ADA2: variants seen among roughly 807,000 people sequenced by gnomAD.
The protein encoded by ADA2 is adenosine deaminase CECR1.
ADA2 carries 29 observed loss-of-function variants against 44.2 expected under a neutral mutation model. The observed-to-expected ratio is 0.66, with a 90% CI of 0.49 to 0.89. The LOEUF (loss-of-function observed/expected upper bound fraction) is 0.89. Ranked by LOEUF, ADA2 falls within the 40% of genes least tolerant of loss-of-function variation. ADA2 has a pLI of 0.00. For missense variants in ADA2, 637 were observed against 644.8 expected, an observed-to-expected ratio of 0.99 and a Z score of 0.13; for synonymous variants, 215 against 234.9, an observed-to-expected ratio of 0.92 and a Z score of 0.77.
At chr22:17,183,433 C>T (rs1336268711) in intron 7 of ADA2, among the ~76,000 whole-genome samples, 1 of 148,258 alleles carries the variant, frequency 6.7e-6, no homozygotes, top group African/African-American at 2.5e-5. Context: ...AGTCCGCTTT[C>T]CTTCTTCCTC....
intron 9 of ADA2, 25 bp from the exon 10 acceptor site, chr22:17,181,601 T>G: frequency 6.5e-7 from 1 of 1,530,300 alleles, no homozygotes; most frequent in Non-Finnish European, 9.1e-7. Context: ...GGAGCCCAGG[T>G]CAGCCTCAGG....
Position 17,202,239 on chromosome 22 carries a change from C to T in ADA2, c.753+1324G>A, listed in dbSNP as rs182939678. Among the ~76,000 whole-genome samples, 914 of 152,206 alleles carry T rather than the reference C, an allele frequency of 6.0e-3. 6 individuals carry two copies. The highest frequency in any genetic ancestry group is 0.02 in the African/African-American group (820 of 41,530). Reference sequence around the variant, plus strand: ...CCACCTCCCAGGTTCAAGCAATTCTCCTGCCTCAGCCTCCCAAGTAGCTAG... The same window carrying T: ...CCACCTCCCAGGTTCAAGCAATTCTTCTGCCTCAGCCTCCCAAGTAGCTAG... On this transcript the variant is annotated intron_variant, in intron 4 of 9. Coordinates refer to ENST00000399837, the MANE Select transcript of ADA2 (RefSeq NM_001282225.2).
chr22:17,219,245 C>A (rs2062501997), intron 1 of ADA2, 111 bp downstream of exon 1: 1 of 152,282 alleles, frequency 6.6e-6, no homozygotes, highest in Non-Finnish European at 1.5e-5. Flanking sequence ...AGTCTCAGAC[C>A]CAGCTCAGAT....
chr22:17,182,119 T>C, intron 8 of ADA2, 97 bp from the exon 9 acceptor site: 1 of 918,532 alleles, frequency 1.1e-6, no homozygotes, highest in Admixed American at 2.3e-5. Context: ...GCTCCCTTCA[T>C]CTTCCCATCA....
Position 17,178,913 on chromosome 22 carries a change from T to C in ADA2, c.*2570A>G, listed in dbSNP as rs542075354. On this transcript the variant is annotated 3_prime_UTR_variant, in exon 10 of 10. Coordinates refer to ENST00000399837, the MANE Select transcript of ADA2 (RefSeq NM_001282225.2). Reference sequence around the variant, plus strand: ...TTGGGACCTAAAAGATCTTCAGGGATTGGGTAAGGCACTGAATCACCTGCA... The same window carrying C: ...TTGGGACCTAAAAGATCTTCAGGGACTGGGTAAGGCACTGAATCACCTGCA... The C allele has an allele frequency of 2.6e-5, 4 of 152,144 alleles. No homozygotes were observed. Among genetic ancestry groups the C allele is most frequent in the African/African-American group, 9.6e-5 (4 of 41,500 alleles). 9.4% of individuals were successfully genotyped at this position (152,144 alleles called of 1,614,324 possible).
chr22:17,195,240 C>T (rs1055555373), intron 4 of ADA2, among the ~76,000 whole-genome samples: 2 of 152,148 alleles, frequency 1.3e-5, no homozygotes, highest in South Asian at 2.1e-4. Flanking sequence ...ATTCTTAGGC[C>T]GGGTGTGATG....
chr22:17,201,562 CT>C (rs2062287958), intron 4 of ADA2, among the ~76,000 whole-genome samples: 2 of 152,168 alleles, frequency 1.3e-5, no homozygotes, highest in South Asian at 4.1e-4. Context: ...CCAAAGGTCA[CT>C]TTCCCCAAGC....
chr22:17,197,173 A>G (rs2062202439), intron 4 of ADA2, among the ~76,000 whole-genome samples: 1 of 152,166 alleles, frequency 6.6e-6, no homozygotes, highest in East Asian at 1.9e-4. Context: ...TCATGGGGAA[A>G]TTTGGGAGCA....
At chr22:17,201,363 C>T (rs940961129) in intron 4 of ADA2, among the ~76,000 whole-genome samples, 2 of 152,184 alleles carry the variant, frequency 1.3e-5, no homozygotes, top group African/African-American at 4.8e-5. Context: ...AGTCCTATCA[C>T]TTCTGGGTCT....
chr22:17,179,085 G>A lies in ADA2; in HGVS notation c.*2398C>T, dbSNP rs996744068. ...GTCTGAGAGCTCAGGTACAGGTCAT[G>A]GAAGATGGATGAGAGGACATTCGCC... On this transcript the variant is annotated 3_prime_UTR_variant, in exon 10 of 10. Coordinates refer to ENST00000399837, the MANE Select transcript of ADA2 (RefSeq NM_001282225.2). 3 of 152,234 alleles carry A rather than the reference G, an allele frequency of 2.0e-5. No homozygotes were observed. Among genetic ancestry groups the A allele is most frequent in the Non-Finnish European group, 2.9e-5 (2 of 68,064 alleles). 9.4% of individuals were successfully genotyped at this position (152,234 alleles called of 1,614,324 possible).
At chr22:17,206,516 C>T (rs1024679052) in intron 3 of ADA2, among the ~76,000 whole-genome samples, 12 of 152,074 alleles carry the variant, frequency 7.9e-5, no homozygotes, top group African/African-American at 2.9e-4. Context: ...TAATAACAAA[C>T]AAAAATAGTG....
chr22:17,184,980 CAA>C (rs1491485805), intron 7 of ADA2, among the ~76,000 whole-genome samples: 12 of 35,686 alleles, frequency 3.4e-4, no homozygotes, highest in African/African-American at 1.5e-3. Flanking sequence ...GTGCCCATGT[CAA>C]AATATATATA....
rs571824783 is a variant in ADA2, at chr22:17,208,793, ACT to A, written c.322+561_322+562del. On this transcript the variant is annotated intron_variant, in intron 2 of 9. Transcript: ENST00000399837. ...ACTTCAGCCTGGGCAACAGAGTGAG[ACT>A]CTGTCTCAAAAAAAATTTTTTTTAA... is the stretch of plus-strand genomic sequence containing the variant. Among the ~76,000 whole-genome samples, 41 of 151,608 alleles carry A rather than the reference ACT, an allele frequency of 2.7e-4. 1 individual carries two copies. Among genetic ancestry groups the A allele is most frequent in the African/African-American group, 9.4e-4 (39 of 41,326 alleles).
chr22:17,188,330 C>T lies in ADA2; in HGVS notation c.1081+9G>A. 4 of 1,607,026 alleles carry T rather than the reference C, an allele frequency of 2.5e-6. No individual in the cohort carries two copies. Among genetic ancestry groups the T allele is most frequent in the Non-Finnish European group, 3.4e-6 (4 of 1,173,714 alleles). On this transcript the variant is annotated intron_variant, in intron 7 of 9. Transcript: ENST00000399837. Reference sequence around the variant, plus strand: ...CTCCGCTGCCTCTGCTCGCATCCCGCAGGCTCACCTGTTTCTCCGGCGTGG... The same window carrying T: ...CTCCGCTGCCTCTGCTCGCATCCCGTAGGCTCACCTGTTTCTCCGGCGTGG...
chr22:17,215,813 G>A (rs1176093623), intron 1 of ADA2, among the ~76,000 whole-genome samples: 3 of 151,974 alleles, frequency 2.0e-5, no homozygotes, highest in African/African-American at 7.3e-5. Context: ...GTAGACATGG[G>A]GGATGAAGAG....
At chr22:17,214,785 C>T (rs960811548) in intron 1 of ADA2, among the ~76,000 whole-genome samples, 5 of 152,312 alleles carry the variant, frequency 3.3e-5, no homozygotes, top group African/African-American at 1.2e-4. Context: ...GAGCCCATTC[C>T]CCAAAACCCT....
chr22:17,195,974 C>T (rs2062185636), intron 4 of ADA2, among the ~76,000 whole-genome samples: 1 of 151,892 alleles, frequency 6.6e-6, no homozygotes, highest in East Asian at 2.0e-4. Context: ...GTCTTGAACT[C>T]CTGACCTCAT....
At chr22:17,216,773 C>CAT (rs1568993420) in intron 1 of ADA2, among the ~76,000 whole-genome samples, 1 of 114,544 alleles carries the variant, frequency 8.7e-6, no homozygotes, top group East Asian at 5.8e-4. Context: ...AAAAAAAAAA[C>CAT]ACACACACAC....
intron 4 of ADA2, among the ~76,000 whole-genome samples, chr22:17,194,965 T>C (rs2062171902): frequency 6.6e-6 from 1 of 151,852 alleles, no homozygotes; most frequent in Admixed American, 6.6e-5. Context: ...GAATCACCCT[T>C]ACCACCGGAA....
Sources: allele counts gnomAD v4.1 joint callset (sites outside exome capture counted in the v4.1 genomes callset), GRCh38; gene constraint gnomAD v4.1.1; transcripts MANE v1.5; gene names NCBI Gene and HGNC (gene_info 2026-07-23, HGNC 2026-07-21).